The following CSMD1 variants were observed in gnomAD, a reference collection of about 807,000 sequenced individuals.
CSMD1 encodes CUB and sushi domain-containing protein 1.
Under a neutral mutation model 417.5 loss-of-function variants are expected in CSMD1, and 213 were observed. The ratio of observed to expected loss-of-function variants is 0.51; its 90% CI spans 0.46 to 0.57. CSMD1 has a LOEUF of 0.57. Ranked by LOEUF, CSMD1 falls within the 20% of genes least tolerant of loss-of-function variation. The probability of loss-of-function intolerance (pLI) is 0.00; values close to 1 mark genes in which losing one functional copy is unlikely to be tolerated. For synonymous variants in CSMD1, 2,862 were observed against 1,736.8 expected (o/e 1.65, Z -16.11); for missense variants, 6,923 against 4,529.7 (o/e 1.53, Z -15.17).
chr8:3,205,751 T>C, intron 30 of CSMD1, 131 bp from the exon 31 acceptor site: 1 of 485,500 alleles, frequency 2.1e-6, no homozygotes, highest in Non-Finnish European at 3.6e-6. Flanking sequence ...AGTTAAAATC[T>C]TGTTTTGCAT....
chr8:4,289,802 G>C (rs1031590462), intron 3 of CSMD1, among the ~76,000 whole-genome samples: 4 of 152,134 alleles, frequency 2.6e-5, no homozygotes, highest in Non-Finnish European at 4.4e-5. Flanking sequence ...ATCCACCTTT[G>C]TCTGCCATGT....
At chr8:4,992,141 G>T (rs557536586) in intron 1 of CSMD1, among the ~76,000 whole-genome samples, 5 of 152,240 alleles carry the variant, frequency 3.3e-5, no homozygotes, top group African/African-American at 1.2e-4. Context: ...GGCCCGAGGC[G>T]CCCAGGACTT....
chr8:3,339,010 T>C (rs1439406560), intron 23 of CSMD1, among the ~76,000 whole-genome samples: 1 of 104,212 alleles, frequency 9.6e-6, no homozygotes. Flanking sequence ...AACAGTCCCC[T>C]GAGTGTGATA....
intron 3 of CSMD1, among the ~76,000 whole-genome samples, chr8:4,166,385 C>G (rs966884409): frequency 1.2e-4 from 19 of 152,020 alleles, no homozygotes; most frequent in African/African-American, 4.6e-4. Flanking sequence ...CTAAAGTTCC[C>G]ACAATTAAAG....
rs1349894063 is a variant in CSMD1 at position 4,994,866 on chromosome 8, G to C, written c.-450C>G. 6.1e-6 allele frequency: 1 copy of C among 163,142 alleles called. No individual in the cohort carries two copies. The highest frequency in any genetic ancestry group is 1.3e-5 in the Non-Finnish European group (1 of 75,682). 10.1% of individuals were successfully genotyped at this position (163,142 alleles called of 1,614,324 possible). On this transcript the variant is annotated 5_prime_UTR_variant, in exon 1 of 70. Coordinates refer to ENST00000635120, the MANE Select transcript of CSMD1 (RefSeq NM_033225.6). ...ATCCAGTCTAGAGAGAAAAGGCGGA[G>C]AGCGCAGAAGAAGGGCTGCTAGTGG...
intron 12 of CSMD1, among the ~76,000 whole-genome samples, chr8:3,439,002 A>C (rs1814759786): frequency 6.6e-6 from 1 of 150,794 alleles, no homozygotes; most frequent in Admixed American, 6.6e-5. Flanking sequence ...GTAATCCCAA[A>C]TCCCAGCTAC....
intron 1 of CSMD1, among the ~76,000 whole-genome samples, chr8:4,963,825 C>G (rs537308857): frequency 2.4e-4 from 36 of 152,226 alleles, no homozygotes; most frequent in Admixed American, 4.6e-4. Flanking sequence ...TTTTCACTAA[C>G]CATGGGAGTA....
intron 2 of CSMD1, among the ~76,000 whole-genome samples, chr8:4,595,964 T>C (rs990483455): frequency 1.3e-5 from 2 of 152,100 alleles, no homozygotes; most frequent in African/African-American, 4.8e-5. Context: ...GTACCACTTG[T>C]ACAGCCTCAA....
chr8:3,924,846 G>A (rs1809530036), intron 5 of CSMD1, among the ~76,000 whole-genome samples: 1 of 151,878 alleles, frequency 6.6e-6, no homozygotes, highest in South Asian at 2.1e-4. Context: ...TTTTTGTCAG[G>A]CGGTTCAAAA....
intron 3 of CSMD1, among the ~76,000 whole-genome samples, chr8:4,103,046 G>C (rs1252012329): frequency 1.3e-5 from 2 of 152,148 alleles, no homozygotes; most frequent in Non-Finnish European, 2.9e-5. Flanking sequence ...CAGCGGGTCA[G>C]AGAATTATGT....
intron 40 of CSMD1, among the ~76,000 whole-genome samples, chr8:3,144,751 G>C (rs1400906470): frequency 7.1e-6 from 1 of 141,444 alleles, no homozygotes; most frequent in Non-Finnish European, 1.5e-5. Flanking sequence ...GAACTCAGAA[G>C]TGAGAAAAAA....
intron 2 of CSMD1, among the ~76,000 whole-genome samples, chr8:4,484,405 C>T (rs1290897761): frequency 6.6e-6 from 1 of 152,102 alleles, no homozygotes; most frequent in Non-Finnish European, 1.5e-5. Context: ...CGAACTATAT[C>T]AGAACCAGAA....
At position 3,406,193 on chromosome 8, in the gene CSMD1, A is replaced by G; in HGVS notation, c.2100T>C (p.Pro700=). ...AACGTCGTCCGTTTATAGGAATGCCAGGATCATGGCACTCATTCTGACCAA... is the reference window on the plus strand; with the variant it reads ...AACGTCGTCCGTTTATAGGAATGCCGGGATCATGGCACTCATTCTGACCAA... The part of the protein sequence containing the change: ...TTFGQNECHD[P]GIPINGRRFG... Residue 700 remains proline, a synonymous_variant, in exon 15 of 70, where the codon CCT becomes CCC. Coordinates refer to ENST00000635120, the MANE Select transcript of CSMD1 (RefSeq NM_033225.6). The G allele has an allele frequency of 5.6e-6, 9 of 1,610,652 alleles. No individual in the cohort carries two copies. The highest frequency in any genetic ancestry group is 7.6e-6 in the Non-Finnish European group (9 of 1,178,120).
chr8:3,558,265 C>T (rs111910029), intron 10 of CSMD1, among the ~76,000 whole-genome samples: 1 of 150,824 alleles, frequency 6.6e-6, no homozygotes, highest in Admixed American at 6.6e-5. Context: ...CCTGTGTCCA[C>T]TCCTCCAGTG....
chr8:3,965,225 C>G (rs1173772621), intron 5 of CSMD1, among the ~76,000 whole-genome samples: 1 of 152,152 alleles, frequency 6.6e-6, no homozygotes. Context: ...TGAACTTGAA[C>G]AGAGACGGCA....
chr8:3,506,414 G>C (rs190499145), intron 10 of CSMD1, among the ~76,000 whole-genome samples: 6 of 152,068 alleles, frequency 3.9e-5, no homozygotes, highest in Non-Finnish European at 5.9e-5. Flanking sequence ...TGTGTAGAGA[G>C]GAGAAGGTGC....
At chr8:4,573,725 C>T (rs1043476871) in intron 2 of CSMD1, among the ~76,000 whole-genome samples, 17 of 152,124 alleles carry the variant, frequency 1.1e-4, no homozygotes, top group African/African-American at 3.4e-4. Flanking sequence ...CACCCACAGC[C>T]ACTCCTTCCC....
chr8:4,821,929 ATTTTT>A, intron 1 of CSMD1, among the ~76,000 whole-genome samples: 7 of 152,066 alleles, frequency 4.6e-5, no homozygotes, highest in African/African-American at 1.7e-4. Flanking sequence ...TGCTTCAGGT[ATTTTT>A]AAATAATCTA....
intron 26 of CSMD1, among the ~76,000 whole-genome samples, chr8:3,242,811 G>A (rs1328787626): frequency 2.7e-5 from 1 of 36,414 alleles, no homozygotes. Context: ...TTGGGGCGCA[G>A]AAATAAGGGG....
Sources: gnomAD v4.1 joint callset for allele counts (sites outside exome capture counted in the v4.1 genomes callset) on GRCh38, gnomAD v4.1.1 for gene constraint, MANE v1.5 for transcripts, NCBI Gene and HGNC (gene_info 2026-07-23, HGNC 2026-07-21) for gene names.